Variants in MROH1 observed in about 807,000 individuals in gnomAD.
MROH1 encodes maestro heat-like repeat-containing protein family member 1.
In MROH1, 117 loss-of-function variants were observed where a neutral mutation model predicts 116.5. The ratio of observed to expected loss-of-function variants is 1.00; its 90% CI spans 0.86 to 1.17. The LOEUF (loss-of-function observed/expected upper bound fraction) is 1.17. MROH1 is among the 50% of genes most tolerant of loss of function. The pLI, the probability that MROH1 is intolerant of heterozygous loss-of-function variation, is 0.00. For missense variants in MROH1, 1,873 were observed against 1,338.5 expected, an observed-to-expected ratio of 1.40 and a Z score of -6.23; for synonymous variants, 921 against 583.9, an observed-to-expected ratio of 1.58 and a Z score of -8.32.
chr8:144,202,577 C>T (rs1364113376), intron 12 of MROH1, among the ~76,000 whole-genome samples: 1 of 130,296 alleles, frequency 7.7e-6, no homozygotes, highest in African/African-American at 2.9e-5. Flanking sequence ...GGGAAGCGCC[C>T]CCTCTGTGGG....
chr8:144,250,239 T>C lies in MROH1; in HGVS notation c.3301T>C (p.Ser1101Pro). ...GCCCGAGATCGTGAGCGTCCTGCGCTCCAAGCTTCAGGAGGCCCAGGGAGA... is the reference window on the plus strand; with the variant it reads ...GCCCGAGATCGTGAGCGTCCTGCGCCCCAAGCTTCAGGAGGCCCAGGGAGA... ...KVPEIVSVLR[S>P]KLQEAQGEHV... Residue 1101 changes from serine (S) to proline (P), a missense_variant, in exon 33 of 44, where the codon TCC (serine) becomes CCC (proline). Coordinates refer to ENST00000326134, the MANE Select transcript of MROH1 (RefSeq NM_032450.3). 1 of 768,194 alleles carries C rather than the reference T, an allele frequency of 1.3e-6. No individual in the cohort carries two copies. The highest frequency in any genetic ancestry group is 1.4e-5 in the South Asian group (1 of 73,792). The allele number at this position is 768,194 out of a possible 1,614,324, so 47.6% of individuals were successfully genotyped here. A position where few individuals can be genotyped will look rare whatever the true frequency, so the allele number is the denominator to read the frequency against.
Position 144,260,933 on chromosome 8 carries a change from T to TGGCCCCAATCTGGCATGTGA in MROH1, c.4566_4585dup (p.Glu1529AlafsTer36). 1 of 777,656 alleles carries TGGCCCCAATCTGGCATGTGA rather than the reference T, an allele frequency of 1.3e-6. No homozygotes were observed. Among genetic ancestry groups the TGGCCCCAATCTGGCATGTGA allele is most frequent in the Non-Finnish European group, 2.4e-6 (1 of 417,756 alleles). 48.2% of individuals were successfully genotyped at this position (777,656 alleles called of 1,614,324 possible). ...CCTGCAGGTTTGCCCTGCGCATGTG[T>TGGCCCCAATCTGGCATGTGA]GGCCCCAATCTGGCATGTGAGGAGC... On this transcript the variant is annotated frameshift_variant, in exon 41 of 44. Transcript: ENST00000326134. LOFTEE classifies it high-confidence loss of function.
intron 22 of MROH1, 168 bp from the exon 23 acceptor site, chr8:144,242,201 C>T (rs1841123047): frequency 2.8e-6 from 2 of 715,906 alleles, no homozygotes; most frequent in Non-Finnish European, 2.5e-6. Context: ...GAGGCTCTCC[C>T]CATCCCCAGA....
intron 3 of MROH1, among the ~76,000 whole-genome samples, chr8:144,167,285 C>T (rs1273584879): frequency 1.1e-4 from 10 of 91,288 alleles, no homozygotes; most frequent in Admixed American, 3.6e-4. Flanking sequence ...GTGGAGTGGC[C>T]GGTTGGGGTG....
intron 14 of MROH1, among the ~76,000 whole-genome samples, chr8:144,228,011 C>T (rs2032153398): frequency 6.6e-6 from 1 of 151,834 alleles, no homozygotes; most frequent in Non-Finnish European, 1.5e-5. Context: ...GCAGGAAAAT[C>T]GTTTAAGGCC....
At position 144,229,380 on chromosome 8, in the gene MROH1, ATT is replaced by A. The variant is rs60877043; in HGVS notation, c.1338+6170_1338+6171del. Among the ~76,000 whole-genome samples, 647 of 108,872 alleles carry A rather than the reference ATT, an allele frequency of 5.9e-3. 1 individual carries two copies. Among genetic ancestry groups the A allele is most frequent in the African/African-American group, 6.2e-3 (192 of 31,044 alleles). The allele number at this position is 108,872 out of a possible 152,430, so 71.4% of individuals were successfully genotyped here. A position where few individuals can be genotyped will look rare whatever the true frequency, so the allele number is the denominator to read the frequency against. ...CAGCAATCGATTAATTACCTTATGA[ATT>A]TTTTTTTTTTTTTTTTTTTGGAATA... On this transcript the variant is annotated intron_variant, in intron 14 of 43. Coordinates refer to ENST00000326134, the MANE Select transcript of MROH1 (RefSeq NM_032450.3).
At chr8:144,255,756 A>G in intron 35 of MROH1, 51 bp downstream of exon 35, 2 of 713,924 alleles carry the variant, frequency 2.8e-6, no homozygotes, top group South Asian at 1.5e-5. Flanking sequence ...AAGCACAGGC[A>G]TGCGTGTGCA....
At chr8:144,151,451 G>A (rs1392899193) in intron 1 of MROH1, among the ~76,000 whole-genome samples, 1 of 152,114 alleles carries the variant, frequency 6.6e-6, no homozygotes, top group Non-Finnish European at 1.5e-5. Context: ...AGTTTGGCCA[G>A]GGCAGTCGGA....
chr8:144,193,617 A>T (rs1202813760), intron 10 of MROH1, among the ~76,000 whole-genome samples: 1 of 152,002 alleles, frequency 6.6e-6, no homozygotes, highest in African/African-American at 2.4e-5. Context: ...TTTATTATTT[A>T]TTTATTTTGA....
chr8:144,188,623 C>A (rs764504595), intron 7 of MROH1, among the ~76,000 whole-genome samples: 14 of 152,026 alleles, frequency 9.2e-5, no homozygotes, highest in Non-Finnish European at 7.4e-5. Flanking sequence ...CGTGCCACCA[C>A]ACCCAGCTAA....
chr8:144,163,678 A>G lies in MROH1; in HGVS notation c.-56-93A>G. ...TATTTCCCCCAGAATAAATTCATTT[A>G]AATTGTGTATTTTACATGGAAATGG... On this transcript the variant is annotated intron_variant, in intron 2 of 43. Coordinates refer to ENST00000326134, the MANE Select transcript of MROH1 (RefSeq NM_032450.3). The surrounding 1 kb of genome is among the most constrained non-coding windows in gnomAD (Gnocchi z 4.4). 1.3e-6 allele frequency: 1 copy of G among 778,210 alleles called. No homozygotes were observed. Among genetic ancestry groups the G allele is most frequent in the East Asian group, 2.8e-5 (1 of 35,790 alleles). The allele number at this position is 778,210 out of a possible 1,614,324, so 48.2% of individuals were successfully genotyped here. A position where few individuals can be genotyped will look rare whatever the true frequency, so the allele number is the denominator to read the frequency against.
At chr8:144,256,334 G>A (rs1161167470) in intron 35 of MROH1, among the ~76,000 whole-genome samples, 2 of 150,416 alleles carry the variant, frequency 1.3e-5, no homozygotes, top group Admixed American at 6.6e-5. Context: ...ATCCCACCCA[G>A]GCGCCCAGGT....
intron 33 of MROH1, among the ~76,000 whole-genome samples, chr8:144,254,054 C>T (rs1843274705): frequency 1.3e-5 from 2 of 152,184 alleles, no homozygotes; most frequent in African/African-American, 4.8e-5. Flanking sequence ...TTTCCTCTGC[C>T]TCTGGGACAT....
At chr8:144,210,823 G>A (rs566845367) in intron 12 of MROH1, among the ~76,000 whole-genome samples, 8 of 152,206 alleles carry the variant, frequency 5.3e-5, no homozygotes, top group South Asian at 4.1e-4. Context: ...TATTTTTAGT[G>A]TGGTAAAATA....
chr8:144,190,889 C>T lies in MROH1; in HGVS notation c.668C>T (p.Ala223Val). ...GCCTTTGCCACCGACATCTTCAGCG[C>T]CTACGATGTTCTCTTCCATCAGTGG... ...KDAFATDIFS[A>V]YDVLFHQWLQ... Residue 223 changes from alanine (A) to valine (V), a missense_variant, in exon 8 of 44, where the codon GCC becomes GTC. Coordinates refer to ENST00000326134, the MANE Select transcript of MROH1 (RefSeq NM_032450.3). 1 of 1,613,816 alleles carries T rather than the reference C, an allele frequency of 6.2e-7. No homozygotes were observed. The highest frequency in any genetic ancestry group is 1.1e-5 in the South Asian group (1 of 91,082).
rs1392406343 is a variant in MROH1, at chr8:144,260,712, C to T, written c.4416C>T (p.Leu1472=). 3.8e-6 allele frequency: 3 copies of T among 779,550 alleles called. No individual in the cohort carries two copies. Among genetic ancestry groups the T allele is most frequent in the Non-Finnish European group, 7.2e-6 (3 of 417,802 alleles). 48.3% of individuals were successfully genotyped at this position (779,550 alleles called of 1,614,324 possible). A position where few individuals can be genotyped will look rare whatever the true frequency, so the allele number is the denominator to read the frequency against. ...AGTTCCGGACGGCATCTATCCGCCT[C>T]TTTGGGCACCTTAACAAGGTCTGCC... is the stretch of plus-strand genomic sequence containing the variant. ...KMEFRTASIR[L]FGHLNKVCHG... The change falls in exon 40 of 44, where the codon CTC becomes CTT. Residue 1472 remains leucine, a synonymous_variant. Coordinates refer to ENST00000326134, the MANE Select transcript of MROH1 (RefSeq NM_032450.3).
At chr8:144,186,002 G>T (rs896120760) in intron 7 of MROH1, among the ~76,000 whole-genome samples, 1 of 152,102 alleles carries the variant, frequency 6.6e-6, no homozygotes, top group East Asian at 1.9e-4. Context: ...GCCCAGCAGC[G>T]AGTGCTCCAG....
intron 4 of MROH1, among the ~76,000 whole-genome samples, chr8:144,168,710 A>T (rs946871584): frequency 2.0e-5 from 3 of 152,164 alleles, no homozygotes; most frequent in African/African-American, 4.8e-5. Flanking sequence ...CACTAAGTGG[A>T]GGCCTAATGG....
intron 10 of MROH1, among the ~76,000 whole-genome samples, chr8:144,196,890 T>TC (rs1830028388): frequency 6.6e-6 from 1 of 151,392 alleles, no homozygotes; most frequent in Non-Finnish European, 1.5e-5. Flanking sequence ...GGTCAGGAGT[T>TC]CAAGACCAGC....
Sources: gnomAD v4.1 joint callset for allele counts (sites outside exome capture counted in the v4.1 genomes callset) on GRCh38, gnomAD v4.1.1 for gene constraint, Gnocchi (gnomAD v3.1) non-coding constraint, MANE v1.5 for transcripts, NCBI Gene and HGNC (gene_info 2026-07-23, HGNC 2026-07-21) for gene names.